TIAM2: variants seen among roughly 807,000 people sequenced by gnomAD.
TIAM2 encodes the protein TIAM Rac1 associated GEF 2.
TIAM2 carries 80 observed loss-of-function variants against 152.9 expected under a neutral mutation model. The observed-to-expected ratio is 0.52, with a 90% CI of 0.44 to 0.63. The LOEUF (loss-of-function observed/expected upper bound fraction) is 0.63, where lower values mean the gene tolerates loss of function less well. Ranked by LOEUF, TIAM2 falls within the 30% of genes least tolerant of loss-of-function variation. TIAM2 has a pLI of 0.00. For synonymous variants in TIAM2, 804 were observed against 838.0 expected (o/e 0.96, Z 0.70); for missense variants, 1,965 against 2,120.1 (o/e 0.93, Z 1.44).
At chr6:155,047,726 CGAGAGAGAGA>C (rs763117085) in intron 1 of TIAM2, among the ~76,000 whole-genome samples, 1 of 37,030 alleles carries the variant, frequency 2.7e-5, no homozygotes, top group South Asian at 8.1e-4. Context: ...AGAGAGAGAG[CGAGAGAGAGA>C]GAGAGAGAGC....
chr6:155,046,787 TA>T, intron 1 of TIAM2, among the ~76,000 whole-genome samples: 1 of 152,160 alleles, frequency 6.6e-6, no homozygotes, highest in Non-Finnish European at 1.5e-5. Flanking sequence ...GAGACCTTAC[TA>T]CCTGCAGGAG....
chr6:155,144,881 G>A, intron 6 of TIAM2, 103 bp downstream of exon 6: 1 of 1,333,070 alleles, frequency 7.5e-7, no homozygotes, highest in Non-Finnish European at 1.0e-6. Context: ...TAAATACTTA[G>A]TTAGGCTTTG....
intron 2 of TIAM2, among the ~76,000 whole-genome samples, chr6:155,126,198 T>TA (rs1779290973): frequency 6.6e-6 from 1 of 152,244 alleles, no homozygotes; most frequent in Admixed American, 6.5e-5. Flanking sequence ...TTGAGGGCAT[T>TA]ATACTAAGTG....
At chr6:155,004,699 A>G (rs1778371070) in intron 1 of TIAM2, 1 of 152,212 alleles carries the variant, frequency 6.6e-6, no homozygotes, top group African/African-American at 2.4e-5. Flanking sequence ...CGGCCTCTTA[A>G]TACCATCTTT....
At chr6:155,014,151 A>G (rs958991104) in intron 1 of TIAM2, 12 of 152,214 alleles carry the variant, frequency 7.9e-5, no homozygotes, top group African/African-American at 2.9e-4. Context: ...TTCTCATGCT[A>G]CTCATTTGTA....
chr6:155,117,697 C>T (rs1779047797), intron 2 of TIAM2, among the ~76,000 whole-genome samples: 2 of 152,170 alleles, frequency 1.3e-5, no homozygotes, highest in Admixed American at 1.3e-4. Flanking sequence ...CCCACCTCGG[C>T]CTTCCAAAGT....
intron 2 of TIAM2, among the ~76,000 whole-genome samples, chr6:155,105,784 T>TA (rs1778672373): frequency 6.6e-6 from 1 of 151,966 alleles, no homozygotes; most frequent in African/African-American, 2.4e-5. Context: ...GGTATTACCT[T>TA]AAAAATCTCT....
At chr6:155,163,411 A>T (rs991028340) in intron 7 of TIAM2, among the ~76,000 whole-genome samples, 1 of 152,200 alleles carries the variant, frequency 6.6e-6, no homozygotes, top group Non-Finnish European at 1.5e-5. Context: ...ACTTGTAGGT[A>T]ATGCATTTTA....
intron 1 of TIAM2, among the ~76,000 whole-genome samples, chr6:155,018,872 C>G (rs535444053): frequency 7.0e-6 from 1 of 143,850 alleles, no homozygotes; most frequent in Non-Finnish European, 1.5e-5. Flanking sequence ...AACCCCATCT[C>G]TACTAAAAAT....
At chr6:155,086,277 C>A (rs1349924847) in intron 1 of TIAM2, among the ~76,000 whole-genome samples, 1 of 152,194 alleles carries the variant, frequency 6.6e-6, no homozygotes, top group Non-Finnish European at 1.5e-5. Flanking sequence ...TAGCTCTTTC[C>A]CGCTGTCTAC....
rs2115153321 is a variant in TIAM2 at position 155,186,089 on chromosome 6, T to G, written c.3064+2589T>G. On this transcript the variant is annotated intron_variant, in intron 14 of 26. Transcript: ENST00000682666. The surrounding 1 kb of genome is among the most constrained non-coding windows in gnomAD (Gnocchi z 4.5). ...AAGGGTAGGTGGGTGGATTAAAAGA[T>G]AAAAGTGAAAAAAGACCAGGTCTCT... Among the ~76,000 whole-genome samples, 1 of 152,238 alleles carries G rather than the reference T, an allele frequency of 6.6e-6. No individual in the cohort carries two copies. The highest frequency in any genetic ancestry group is 2.4e-5 in the African/African-American group (1 of 41,560).
rs573796993 is a variant in TIAM2 at position 155,026,731 on chromosome 6, C to T, written c.-209+31239C>T. Among the ~76,000 whole-genome samples the T allele has an allele frequency of 1.6e-3, 244 of 152,296 alleles. 2 individuals are homozygous for T. Among genetic ancestry groups the T allele is most frequent in the Non-Finnish European group, 1.9e-3 (131 of 68,022 alleles). ...ATGAGACCTTGAGAGTTAAAATATGCGGTGAGGCTTCTGGTTTGATTGGAG... is the reference window on the plus strand; with the variant it reads ...ATGAGACCTTGAGAGTTAAAATATGTGGTGAGGCTTCTGGTTTGATTGGAG... On this transcript the variant is annotated intron_variant, in intron 1 of 26. Coordinates refer to ENST00000682666, the MANE Select transcript of TIAM2 (RefSeq NM_012454.4).
chr6:155,034,562 G>A (rs1776888117), intron 1 of TIAM2, among the ~76,000 whole-genome samples: 2 of 152,150 alleles, frequency 1.3e-5, no homozygotes, highest in South Asian at 4.1e-4. Context: ...GCTAGGTCCA[G>A]TATTTTAACC....
At position 155,015,545 on chromosome 6, in the gene TIAM2, GGAA is replaced by G. The variant is rs369659594; in HGVS notation, c.-209+20060_-209+20062del. Among the ~76,000 whole-genome samples the G allele has an allele frequency of 1.3e-3, 199 of 152,174 alleles. 1 individual carries two copies. Among genetic ancestry groups the G allele is most frequent in the African/African-American group, 4.6e-3 (190 of 41,532 alleles). On this transcript the variant is annotated intron_variant, in intron 1 of 26. Coordinates refer to ENST00000682666, the MANE Select transcript of TIAM2 (RefSeq NM_012454.4). ...TGTTTTCTGCTTAAATTTTGGAGGT[GGAA>G]GAAGAATAGGAGGCAGAGAAGGGGA...
At chr6:155,099,030 A>G (rs1049311280) in intron 2 of TIAM2, among the ~76,000 whole-genome samples, 46 of 152,122 alleles carry the variant, frequency 3.0e-4, no homozygotes, top group Non-Finnish European at 4.4e-5. Flanking sequence ...TTTACTAAAA[A>G]TACAAAATTA....
intron 2 of TIAM2, among the ~76,000 whole-genome samples, chr6:155,111,707 G>A (rs541023493): frequency 2.6e-5 from 4 of 152,212 alleles, no homozygotes; most frequent in South Asian, 4.1e-4. Flanking sequence ...TTTAGGAATG[G>A]CCCCTCTCTC....
intron 2 of TIAM2, among the ~76,000 whole-genome samples, chr6:155,125,584 A>G (rs1303054045): frequency 3.3e-5 from 5 of 152,162 alleles, no homozygotes; most frequent in African/African-American, 1.2e-4. Context: ...CACGCCTGTT[A>G]TCCCAGCACT....
intron 1 of TIAM2, among the ~76,000 whole-genome samples, chr6:155,029,485 C>CTATATATTATATATCATA (rs371777184): frequency 9.7e-5 from 1 of 10,362 alleles, no homozygotes; most frequent in African/African-American, 2.9e-4. Flanking sequence ...AGTATATATA[C>CTATATATTATATATCATA]TATAGTATAT....
intron 1 of TIAM2, among the ~76,000 whole-genome samples, chr6:155,086,504 C>T (rs1002684475): frequency 3.3e-5 from 5 of 151,958 alleles, no homozygotes; most frequent in African/African-American, 7.3e-5. Context: ...GTCAGGAGTT[C>T]GAGACCAGCC....
Sources: allele counts gnomAD v4.1 joint callset (sites outside exome capture counted in the v4.1 genomes callset), GRCh38; gene constraint gnomAD v4.1.1; non-coding constraint Gnocchi (gnomAD v3.1); transcripts MANE v1.5; gene names NCBI Gene and HGNC (gene_info 2026-07-23, HGNC 2026-07-21).